The following KANK3 variants were observed in gnomAD, a reference collection of about 807,000 sequenced individuals.
KANK3 encodes the protein KN motif and ankyrin repeat domain-containing protein 3.
In KANK3, 61 loss-of-function variants were observed where a neutral mutation model predicts 65.4. The observed-to-expected ratio is 0.93, with a 90% CI of 0.76 to 1.15. The LOEUF (loss-of-function observed/expected upper bound fraction) is 1.15, where lower values mean the gene tolerates loss of function less well. KANK3 is among the 50% of genes most tolerant of loss of function. KANK3 has a pLI of 0.00. For synonymous variants in KANK3, 586 were observed against 543.3 expected (o/e 1.08, Z -1.09); for missense variants, 1,187 against 1,178.8 (o/e 1.01, Z -0.10).
rs577085006 is a variant in KANK3 at position 8,340,231 on chromosome 19, C to T, written c.-28-2375G>A. Among the ~76,000 whole-genome samples the T allele has an allele frequency of 1.0e-4, 13 of 126,282 alleles. No homozygotes were observed. In the East Asian group the frequency reaches 3.0e-3, roughly 29 times the overall value. The allele number at this position is 126,282 out of a possible 152,430, so 82.8% of individuals were successfully genotyped here. On this transcript the variant is annotated intron_variant, in intron 1 of 10. Transcript: ENST00000330915. ...GAGCTGAGATCATGCCACTGCACTC[C>T]AGCCTGGGGGACAGAGCCAGACTCC... is the stretch of plus-strand genomic sequence containing the variant.
At position 8,322,781 on chromosome 19, in the gene KANK3, G is replaced by A; in HGVS notation, c.*58C>T. On this transcript the variant is annotated 3_prime_UTR_variant, in exon 11 of 11. Coordinates refer to ENST00000330915, the MANE Select transcript of KANK3 (RefSeq NM_198471.3). Reference sequence around the variant, plus strand: ...TGGACCCTTCTGTGCGCCAAAGGCTGAGGTGACTGACGAGGAGATCTCCCC... The same window carrying A: ...TGGACCCTTCTGTGCGCCAAAGGCTAAGGTGACTGACGAGGAGATCTCCCC... 7.5e-7 allele frequency: 1 copy of A among 1,333,550 alleles called. No homozygotes were observed. Among genetic ancestry groups the A allele is most frequent in the Non-Finnish European group, 1.1e-6 (1 of 934,148 alleles). The allele number at this position is 1,333,550 out of a possible 1,614,324, so 82.6% of individuals were successfully genotyped here. A position where few individuals can be genotyped will look rare whatever the true frequency, so the allele number is the denominator to read the frequency against.
chr19:8,335,363 C>G lies in KANK3; in HGVS notation c.464G>C (p.Arg155Pro). ...QTHERAPSPG[R>P]GVPRSPRGSG... ...CCCGCGTGGGCTGCGCGGGACCCCG[C>G]GGCCGGGGCTGGGCGCGCGCTCGTG... Residue 155 changes from arginine (R) to proline (P), a missense_variant, in exon 3 of 11, where the codon CGC (arginine) becomes CCC (proline). Physicochemically the swap from Arg to Pro is moderately radical, Grantham distance 103. Coordinates refer to ENST00000330915, the MANE Select transcript of KANK3 (RefSeq NM_198471.3). 1 of 1,195,374 alleles carries G rather than the reference C, an allele frequency of 8.4e-7. No homozygotes were observed. The highest frequency in any genetic ancestry group is 3.5e-5 in the East Asian group (1 of 28,226). The allele number at this position is 1,195,374 out of a possible 1,614,324, so 74.0% of individuals were successfully genotyped here. A position where few individuals can be genotyped will look rare whatever the true frequency, so the allele number is the denominator to read the frequency against.
At position 8,324,451 on chromosome 19, in the gene KANK3, G is replaced by A. The variant is rs760659224; in HGVS notation, c.2380C>T (p.Gln794Ter). Residue 794 changes from glutamine to a stop codon, truncating the protein, a stop_gained and splice_region_variant, in exon 10 of 11, where the codon CAG becomes TAG. Transcript: ENST00000330915. LOFTEE classifies it low-confidence loss of function (END_TRUNC). Reference protein sequence around the residue: ...AHLSSGQPDTQSESPPGSQTA... With the variant: ...AHLSSGQPDT The stretch of plus-strand genomic sequence containing the variant: ...GTTTCTTCCAGAGCTGTGCTCACCT[G>A]GGTGTCGGGCTGGCCCGAGCTCAGG... 9.4e-6 allele frequency: 15 copies of A among 1,598,670 alleles called. No homozygotes were observed. In the South Asian group the frequency reaches 1.3e-4, roughly 14 times the overall value.
chr19:8,325,112 G>A lies in KANK3; in HGVS notation c.1937-16C>T. Reference sequence around the variant, plus strand: ...TCGCAGGCCCCTGGGAGAGAAAAGGGGGCCGTCCACGGAGATGCCAACACC... The same window carrying A: ...TCGCAGGCCCCTGGGAGAGAAAAGGAGGCCGTCCACGGAGATGCCAACACC... On this transcript the variant is annotated splice_polypyrimidine_tract_variant and intron_variant, in intron 7 of 10. Coordinates refer to ENST00000330915, the MANE Select transcript of KANK3 (RefSeq NM_198471.3). 6.2e-7 allele frequency: 1 copy of A among 1,604,558 alleles called. No homozygotes were observed. The highest frequency in any genetic ancestry group is 8.5e-7 in the Non-Finnish European group (1 of 1,176,686).
rs140801793 is a variant in KANK3 at position 8,322,919 on chromosome 19, C to T, written c.2386G>A (p.Glu796Lys). The part of the protein sequence containing the change: ...LSSGQPDTQS[E>K]SPPGSQTATP... The stretch of plus-strand genomic sequence containing the variant: ...GCTGTCTGGGAGCCAGGGGGTGACT[C>T]GCTCTGGAGAGAGGGGAAAAGAGGG... The change falls in exon 11 of 11, where the codon GAG becomes AAG. Residue 796 changes from glutamate (E) to lysine (K), a missense_variant. Coordinates refer to ENST00000330915, the MANE Select transcript of KANK3 (RefSeq NM_198471.3). The T allele has an allele frequency of 5.3e-4, 804 of 1,511,660 alleles. No individual in the cohort carries two copies. The highest frequency in any genetic ancestry group is 6.8e-4 in the Non-Finnish European group (770 of 1,128,532). 93.6% of individuals were successfully genotyped at this position (1,511,660 alleles called of 1,614,324 possible).
chr19:8,342,456 T>C (rs75586738), intron 1 of KANK3, among the ~76,000 whole-genome samples: 7,472 of 152,222 alleles, frequency 0.049, 230 homozygotes, highest in East Asian at 0.087. Context: ...TAGATCCGGA[T>C]TCTGTGCCTG....
rs201161749 is a variant in KANK3 at position 8,324,741 on chromosome 19, C to T, written c.2172G>A (p.Ala724=). ...GCGCTGTGGCCCCATCCGCATCCTG[C>T]GCATTCACATCAGCCCCACACGCCA... is the stretch of plus-strand genomic sequence containing the variant. ...TLLACGADVN[A]QDADGATALM... Residue 724 remains alanine (A), a synonymous_variant, in exon 9 of 11, where the codon GCG becomes GCA. Transcript: ENST00000330915. The T allele has an allele frequency of 1.6e-4, 262 of 1,613,954 alleles. No homozygotes were observed. The highest frequency in any genetic ancestry group is 2.1e-4 in the Non-Finnish European group (244 of 1,180,028).
chr19:8,324,163 C>T (rs1023214282), intron 10 of KANK3, among the ~76,000 whole-genome samples: 2 of 152,208 alleles, frequency 1.3e-5, no homozygotes, highest in Non-Finnish European at 2.9e-5. Flanking sequence ...TGGTTTCACA[C>T]CTGTAATCCC....
At position 8,335,227 on chromosome 19, in the gene KANK3, G is replaced by C. The variant is rs1252142390; in HGVS notation, c.600C>G (p.Leu200=). ...MAAALRRLRE[L]EDQARTLPEL... ...CGGGCAGCGTTCGCGCCTGGTCCTC[G>C]AGCTCGCGCAGGCGCCGCAGCGCCG... The change falls in exon 3 of 11, where the codon CTC becomes CTG. Residue 200 remains leucine, a synonymous_variant. Transcript: ENST00000330915. The C allele has an allele frequency of 8.2e-7, 1 of 1,226,288 alleles. No homozygotes were observed. Among genetic ancestry groups the C allele is most frequent in the African/African-American group, 1.6e-5 (1 of 62,944 alleles). The allele number at this position is 1,226,288 out of a possible 1,614,324, so 76.0% of individuals were successfully genotyped here. A position where few individuals can be genotyped will look rare whatever the true frequency, so the allele number is the denominator to read the frequency against.
chr19:8,334,293 C>A, intron 4 of KANK3, 27 bp downstream of exon 4: 1 of 1,612,950 alleles, frequency 6.2e-7, no homozygotes. Context: ...CCGGCAGAAG[C>A]TGCCACAGGA....
At chr19:8,341,496 C>T (rs10405061) in intron 1 of KANK3, among the ~76,000 whole-genome samples, 46,253 of 151,652 alleles carry the variant, frequency 0.3, 7,196 homozygotes, top group Admixed American at 0.38. Flanking sequence ...CTGCAATCTC[C>T]GCCTCCCGGG....
intron 7 of KANK3, among the ~76,000 whole-genome samples, chr19:8,330,518 C>T (rs182768674): frequency 1.3e-5 from 2 of 151,276 alleles, no homozygotes; most frequent in Non-Finnish European, 1.5e-5. Flanking sequence ...TACCTGAGGT[C>T]GGGAGTTTGA....
intron 2 of KANK3, 132 bp downstream of exon 2, chr19:8,337,663 T>G: frequency 1.9e-6 from 2 of 1,071,614 alleles, no homozygotes; most frequent in Non-Finnish European, 2.8e-6. Flanking sequence ...ATGCCATAGG[T>G]GGTTTAAAGC....
chr19:8,335,941 C>T, intron 2 of KANK3, 149 bp from the exon 3 acceptor site: 2 of 524,408 alleles, frequency 3.8e-6, no homozygotes, highest in Non-Finnish European at 5.8e-6. Context: ...TAATGAGCAC[C>T]TACTCTGTGC....
rs1409446202 is a variant in KANK3, at chr19:8,335,760, C to T, written c.67G>A (p.Ala23Thr). 3 of 1,242,376 alleles carry T rather than the reference C, an allele frequency of 2.4e-6. No individual in the cohort carries two copies. In the African/African-American group the frequency reaches 4.7e-5, roughly 19 times the overall value. The allele number at this position is 1,242,376 out of a possible 1,614,324, so 77.0% of individuals were successfully genotyped here. ...CTCGGGCTGCGTGCGCCCCCGGCGGCGGGGACCGGGCACAGGCGGGGGCCG... is the reference window on the plus strand; with the variant it reads ...CTCGGGCTGCGTGCGCCCCCGGCGGTGGGGACCGGGCACAGGCGGGGGCCG... Reference protein sequence around the residue: ...LGGPRLCPVPAAGGARSPSSP... With the variant: ...LGGPRLCPVPTAGGARSPSSP... Residue 23 changes from alanine (A) to threonine (T), a missense_variant, in exon 3 of 11, where the codon GCC (alanine) becomes ACC (threonine). This residue lies in a region of KANK3 where 104 missense variants were observed against 122.1 expected (regional missense o/e 0.85). Transcript: ENST00000330915.
chr19:8,335,448 T>A lies in KANK3; in HGVS notation c.379A>T (p.Asn127Tyr). The change falls in exon 3 of 11, where the codon AAC becomes TAC. Residue 127 changes from asparagine (N) to tyrosine (Y), a missense_variant. By Grantham distance (143) the Asn-to-Tyr change is moderately radical. Transcript: ENST00000330915. The stretch of plus-strand genomic sequence containing the variant: ...CGGAGCGTGTGCTCGACGCGCGGGT[T>A]GCGCACGGGCGCGCGCGGCGACAGC... ...QPLSPRAPVR[N>Y]PRVEHTLRET... 1 of 1,223,846 alleles carries A rather than the reference T, an allele frequency of 8.2e-7. No homozygotes were observed. Among genetic ancestry groups the A allele is most frequent in the Non-Finnish European group, 1.0e-6 (1 of 980,900 alleles). 75.8% of individuals were successfully genotyped at this position (1,223,846 alleles called of 1,614,324 possible). A position where few individuals can be genotyped will look rare whatever the true frequency, so the allele number is the denominator to read the frequency against.
Position 8,325,296 on chromosome 19 carries a change from C to CTTTTTTTTTTTTTTTTTTTTTTT in KANK3, c.1937-223_1937-201dup, listed in dbSNP as rs573315741. On this transcript the variant is annotated intron_variant, in intron 7 of 10. Transcript: ENST00000330915. ...TCAGTGAAGGACCTTCCTGTTTCAT[C>CTTTTTTTTTTTTTTTTTTTTTTT]TTTTTTTTTTTTTTTTTTTTTTTTT... Among the ~76,000 whole-genome samples, 6 of 78,604 alleles carry CTTTTTTTTTTTTTTTTTTTTTTT rather than the reference C, an allele frequency of 7.6e-5. 2 individuals are homozygous for CTTTTTTTTTTTTTTTTTTTTTTT. Among genetic ancestry groups the CTTTTTTTTTTTTTTTTTTTTTTT allele is most frequent in the African/African-American group, 1.6e-4 (3 of 18,644 alleles). The allele number at this position is 78,604 out of a possible 152,430, so 51.6% of individuals were successfully genotyped here. A position where few individuals can be genotyped will look rare whatever the true frequency, so the allele number is the denominator to read the frequency against.
At chr19:8,339,963 CAAA>C (rs59020478) in intron 1 of KANK3, among the ~76,000 whole-genome samples, 17 of 95,774 alleles carry the variant, frequency 1.8e-4, no homozygotes, top group East Asian at 3.1e-4. Flanking sequence ...GACCTTGTCT[CAAA>C]AAAAAAAAAA....
At chr19:8,324,240 G>T (rs1019194097) in intron 10 of KANK3, among the ~76,000 whole-genome samples, 7 of 152,152 alleles carry the variant, frequency 4.6e-5, no homozygotes, top group Non-Finnish European at 1.0e-4. Context: ...AGTGAGCTCT[G>T]ATCACACCAC....
Sources: allele counts gnomAD v4.1 joint callset (sites outside exome capture counted in the v4.1 genomes callset), GRCh38; gene constraint gnomAD v4.1.1; regional missense constraint gnomAD v4.1.1; transcripts MANE v1.5; gene names NCBI Gene and HGNC (gene_info 2026-07-23, HGNC 2026-07-21).